Variants in NELL2 observed in about 807,000 individuals in gnomAD.
NELL2 encodes neural EGFL like 2, also known as protein kinase C-binding protein NELL2.
Under a neutral mutation model 109.6 loss-of-function variants are expected in NELL2, and 41 were observed. That is an observed-to-expected ratio of 0.37 (90% CI 0.29 to 0.49). The LOEUF (loss-of-function observed/expected upper bound fraction) is 0.49. NELL2 is among the 20% of genes least tolerant of loss of function. The pLI is 0.98. For synonymous variants in NELL2, 355 were observed against 344.7 expected, an observed-to-expected ratio of 1.03 and a Z score of -0.33; for missense variants, 900 against 1,008.3, an observed-to-expected ratio of 0.89 and a Z score of 1.45.
chr12:44,682,551 G>A (rs937526584), intron 12 of NELL2, among the ~76,000 whole-genome samples: 2 of 152,088 alleles, frequency 1.3e-5, no homozygotes, highest in Non-Finnish European at 2.9e-5. Context: ...TATTGTTTTA[G>A]GTCTAACATT....
intron 15 of NELL2, among the ~76,000 whole-genome samples, chr12:44,564,534 C>T (rs1943584152): frequency 6.6e-6 from 1 of 152,134 alleles, no homozygotes; most frequent in African/African-American, 2.4e-5. Context: ...AGGCACTAGG[C>T]TAGGCCCTGA....
At chr12:44,512,226 A>C (rs1372523813) in intron 19 of NELL2, among the ~76,000 whole-genome samples, 4 of 152,174 alleles carry the variant, frequency 2.6e-5, no homozygotes, top group African/African-American at 9.6e-5. Context: ...ATATATTAAA[A>C]ATGCTCAACA....
chr12:44,843,705 G>A (rs1392842235), intron 2 of NELL2, among the ~76,000 whole-genome samples: 2 of 152,202 alleles, frequency 1.3e-5, no homozygotes, highest in Non-Finnish European at 1.5e-5. Context: ...TGGCTGTCTG[G>A]TGAGAGCTGC....
At chr12:44,855,575 G>A (rs1442099526) in intron 2 of NELL2, among the ~76,000 whole-genome samples, 1 of 152,104 alleles carries the variant, frequency 6.6e-6, no homozygotes, top group Non-Finnish European at 1.5e-5. Flanking sequence ...CTGTACCCTG[G>A]ATGCACTCCA....
At chr12:44,635,635 T>G (rs1290420293) in intron 13 of NELL2, among the ~76,000 whole-genome samples, 1 of 152,178 alleles carries the variant, frequency 6.6e-6, no homozygotes, top group Non-Finnish European at 1.5e-5. Context: ...TCTGTTCCAT[T>G]GATCTATACA....
chr12:44,768,789 A>G (rs1941435723), intron 9 of NELL2, among the ~76,000 whole-genome samples: 1 of 152,186 alleles, frequency 6.6e-6, no homozygotes, highest in Admixed American at 6.6e-5. Flanking sequence ...CTCTCATTTT[A>G]TATTGGCATT....
At chr12:44,818,196 C>A (rs1592594026) in intron 2 of NELL2, among the ~76,000 whole-genome samples, 1 of 152,170 alleles carries the variant, frequency 6.6e-6, no homozygotes, top group East Asian at 1.9e-4. Context: ...TTTGTTTCCT[C>A]AAGGAAGCAT....
intron 1 of NELL2, among the ~76,000 whole-genome samples, chr12:44,903,955 G>A (rs1470470849): frequency 6.6e-6 from 1 of 152,110 alleles, no homozygotes; most frequent in South Asian, 2.1e-4. Flanking sequence ...GTTGATGGGT[G>A]CAGCAAACCA....
chr12:44,600,301 G>A (rs540169938), intron 15 of NELL2, among the ~76,000 whole-genome samples: 4 of 151,520 alleles, frequency 2.6e-5, no homozygotes, highest in Admixed American at 6.6e-5. Context: ...GAACCACCGC[G>A]CCCGGCCGGA....
At chr12:44,523,240 A>G in intron 17 of NELL2, 51 bp downstream of exon 17, 1 of 1,585,938 alleles carries the variant, frequency 6.3e-7, no homozygotes, top group Non-Finnish European at 8.6e-7. Context: ...CTTAAAACAT[A>G]TGCAAATTAC....
At chr12:44,597,883 A>G (rs1229830045) in intron 15 of NELL2, among the ~76,000 whole-genome samples, 3 of 152,224 alleles carry the variant, frequency 2.0e-5, no homozygotes, top group Non-Finnish European at 4.4e-5. Context: ...TTAAGGATCT[A>G]GAAATGTTGA....
intron 2 of NELL2, among the ~76,000 whole-genome samples, chr12:44,846,754 A>T (rs10161447): frequency 0.14 from 19,503 of 134,632 alleles, 1,554 homozygotes; most frequent in Admixed American, 0.23. Context: ...TTGTTATGCA[A>T]GTGTACATAT....
At chr12:44,621,969 T>C (rs1946077555) in intron 13 of NELL2, among the ~76,000 whole-genome samples, 1 of 152,094 alleles carries the variant, frequency 6.6e-6, no homozygotes, top group African/African-American at 2.4e-5. Flanking sequence ...CTGTCAGGGA[T>C]TGTTAATTCT....
chr12:44,804,454 A>T (rs1450543), intron 3 of NELL2, among the ~76,000 whole-genome samples: 24 of 151,644 alleles, frequency 1.6e-4, no homozygotes, highest in Non-Finnish European at 3.5e-4. Flanking sequence ...CATAAACTCC[A>T]CTGTCAATTA....
intron 2 of NELL2, among the ~76,000 whole-genome samples, chr12:44,823,752 C>T (rs1276533126): frequency 1.3e-5 from 2 of 152,050 alleles, no homozygotes; most frequent in East Asian, 1.9e-4. Flanking sequence ...AGATATATAC[C>T]CAGAAGTGAA....
intron 2 of NELL2, among the ~76,000 whole-genome samples, chr12:44,862,460 C>T (rs138958212): frequency 6.6e-6 from 1 of 152,282 alleles, no homozygotes; most frequent in East Asian, 1.9e-4. Flanking sequence ...AAAGATTAAT[C>T]TGATGAATCT....
intron 2 of NELL2, among the ~76,000 whole-genome samples, chr12:44,826,553 G>A (rs947884764): frequency 3.9e-5 from 6 of 152,194 alleles, no homozygotes; most frequent in Admixed American, 1.3e-4. Flanking sequence ...CAAAGTTTCC[G>A]AAGTCTTTAA....
chr12:44,578,706 G>A (rs2136207149), intron 15 of NELL2, among the ~76,000 whole-genome samples: 1 of 151,746 alleles, frequency 6.6e-6, no homozygotes, highest in South Asian at 2.1e-4. Flanking sequence ...GATCCACCCA[G>A]CAACAAAGTC....
intron 5 of NELL2, among the ~76,000 whole-genome samples, chr12:44,777,951 C>T (rs993692523): frequency 3.9e-5 from 6 of 152,040 alleles, no homozygotes; most frequent in Non-Finnish European, 8.8e-5. Flanking sequence ...TGTTTATAGG[C>T]AAAATTTACA....
Sources: allele counts gnomAD v4.1 joint callset (sites outside exome capture counted in the v4.1 genomes callset), GRCh38; gene constraint gnomAD v4.1.1; transcripts MANE v1.5; gene names NCBI Gene and HGNC (gene_info 2026-07-23, HGNC 2026-07-21).